Variants in EPHA6 observed in about 807,000 individuals in gnomAD.
EPHA6 encodes EPH receptor A6, also known as ephrin type-A receptor 6.
In EPHA6, 50 loss-of-function variants were observed where a neutral mutation model predicts 112.0. That is an observed-to-expected ratio of 0.45 (90% CI 0.36 to 0.56). The LOEUF is 0.56. Among genes scored for constraint, EPHA6 ranks in the 20% least tolerant of loss-of-function variants. The pLI is 0.00. For synonymous variants in EPHA6, 529 were observed against 490.7 expected, an observed-to-expected ratio of 1.08 and a Z score of -1.03; for missense variants, 1,280 against 1,417.4, an observed-to-expected ratio of 0.90 and a Z score of 1.56.
intron 5 of EPHA6, among the ~76,000 whole-genome samples, chr3:97,315,926 C>A (rs2081808515): frequency 6.6e-6 from 1 of 151,694 alleles, no homozygotes; most frequent in African/African-American, 2.4e-5. Flanking sequence ...AAACAAACTG[C>A]AATCAAAATG....
chr3:96,899,641 T>C (rs1013715643), intron 2 of EPHA6, among the ~76,000 whole-genome samples: 3 of 152,186 alleles, frequency 2.0e-5, no homozygotes, highest in Non-Finnish European at 4.4e-5. Flanking sequence ...TCTAAGTAGA[T>C]TTAAATACAT....
chr3:96,945,707 T>A (rs537975488), intron 2 of EPHA6, among the ~76,000 whole-genome samples: 75 of 152,066 alleles, frequency 4.9e-4, no homozygotes, highest in Middle Eastern at 3.4e-3. Context: ...ATGAAAAAAA[T>A]ATATATATAT....
intron 3 of EPHA6, among the ~76,000 whole-genome samples, chr3:97,006,375 T>G (rs1369814387): frequency 2.0e-5 from 3 of 152,156 alleles, no homozygotes; most frequent in Non-Finnish European, 4.4e-5. Flanking sequence ...TTCTACTAGA[T>G]TTTCTAGTTT....
chr3:97,442,249 G>A (rs13322997), intron 6 of EPHA6, among the ~76,000 whole-genome samples: 18,771 of 152,046 alleles, frequency 0.12, 3,705 homozygotes, highest in African/African-American at 0.41. Flanking sequence ...CTCAGAGTTG[G>A]TAACTATTCA....
intron 3 of EPHA6, among the ~76,000 whole-genome samples, chr3:97,089,439 C>G (rs950311545): frequency 2.6e-5 from 4 of 152,002 alleles, no homozygotes; most frequent in African/African-American, 9.6e-5. Flanking sequence ...GATGGTGTAT[C>G]TTTCTGTATT....
chr3:97,650,628 TA>T (rs1243050686), intron 14 of EPHA6, among the ~76,000 whole-genome samples: 122 of 152,110 alleles, frequency 8.0e-4, no homozygotes, highest in African/African-American at 2.6e-3. Flanking sequence ...CTCTATATTT[TA>T]TTTGTACAAA....
At chr3:97,198,717 T>G (rs1230772110) in intron 3 of EPHA6, among the ~76,000 whole-genome samples, 1 of 152,174 alleles carries the variant, frequency 6.6e-6, no homozygotes, top group Non-Finnish European at 1.5e-5. Flanking sequence ...TTCTTTTGCC[T>G]AACTGTGTTC....
In EPHA6 at chr3:97,365,729, C is replaced by T. The variant is rs148012439; in HGVS notation, c.1607-39421C>T. On this transcript the variant is annotated intron_variant, in intron 5 of 17. Coordinates refer to ENST00000389672, the MANE Select transcript of EPHA6 (RefSeq NM_001080448.3). ...TTACAATTTTTTACTCATCTATTTG[C>T]GGTAAATGGACAAAAGCTCCATCTT... Among the ~76,000 whole-genome samples the T allele has an allele frequency of 2.4e-3, 364 of 152,102 alleles. 2 individuals are homozygous for T. The highest frequency in any genetic ancestry group is 7.7e-3 in the African/African-American group (320 of 41,510).
chr3:97,583,629 G>A (rs1401943593), intron 11 of EPHA6, among the ~76,000 whole-genome samples: 1 of 151,854 alleles, frequency 6.6e-6, no homozygotes, highest in Non-Finnish European at 1.5e-5. Flanking sequence ...TCTGATGAAA[G>A]AAATCAAAGA....
intron 5 of EPHA6, among the ~76,000 whole-genome samples, chr3:97,335,880 G>C (rs2083033186): frequency 2.6e-5 from 4 of 152,088 alleles, no homozygotes; most frequent in Admixed American, 2.0e-4. Context: ...CTGCTTGGTG[G>C]GGTCAGAGAT....
chr3:97,628,178 A>C (rs934599834), intron 13 of EPHA6, among the ~76,000 whole-genome samples: 2 of 152,020 alleles, frequency 1.3e-5, no homozygotes, highest in African/African-American at 4.8e-5. Context: ...AGAGATAATG[A>C]TGCTCTAAAC....
At chr3:97,548,440 G>A (rs546734306) in intron 11 of EPHA6, among the ~76,000 whole-genome samples, 1 of 151,938 alleles carries the variant, frequency 6.6e-6, no homozygotes, top group East Asian at 1.9e-4. Flanking sequence ...TTTTGGGGAG[G>A]GATAATTTAG....
At chr3:97,448,058 A>G (rs1196760372) in intron 6 of EPHA6, among the ~76,000 whole-genome samples, 1 of 152,154 alleles carries the variant, frequency 6.6e-6, no homozygotes, top group Admixed American at 6.6e-5. Context: ...GCACAAAGTG[A>G]ATGACTTCAG....
chr3:97,174,017 A>G (rs1576617798), intron 3 of EPHA6, among the ~76,000 whole-genome samples: 2 of 150,852 alleles, frequency 1.3e-5, no homozygotes, highest in South Asian at 4.2e-4. Context: ...ATCACCTTCT[A>G]CCTTCCCCCC....
intron 11 of EPHA6, among the ~76,000 whole-genome samples, chr3:97,553,470 G>A (rs1243325697): frequency 6.6e-6 from 1 of 152,048 alleles, no homozygotes; most frequent in African/African-American, 2.4e-5. Context: ...CACTGGGGAG[G>A]GCTCAGGAAA....
chr3:97,258,310 G>A (rs138842362), intron 5 of EPHA6, among the ~76,000 whole-genome samples: 47 of 151,646 alleles, frequency 3.1e-4, no homozygotes, highest in African/African-American at 1.1e-3. Flanking sequence ...CACGCACAGA[G>A]TATCTGTTAT....
chr3:97,355,696 A>G (rs1372093182), intron 5 of EPHA6, among the ~76,000 whole-genome samples: 1 of 152,200 alleles, frequency 6.6e-6, no homozygotes, highest in African/African-American at 2.4e-5. Flanking sequence ...ACAACATTGA[A>G]AGTTAACGGA....
chr3:97,600,938 T>G (rs537336592), intron 12 of EPHA6, among the ~76,000 whole-genome samples: 1 of 152,234 alleles, frequency 6.6e-6, no homozygotes, highest in South Asian at 2.1e-4. Flanking sequence ...ATTTTTTTAG[T>G]AGTTCTTTTT....
intron 5 of EPHA6, among the ~76,000 whole-genome samples, chr3:97,320,896 C>G (rs1441968020): frequency 6.7e-6 from 1 of 150,264 alleles, no homozygotes; most frequent in Non-Finnish European, 1.5e-5. Flanking sequence ...AATTCCATCT[C>G]AAAAATTAAT....
Sources: gnomAD v4.1 joint callset for allele counts (sites outside exome capture counted in the v4.1 genomes callset) on GRCh38, gnomAD v4.1.1 for gene constraint, MANE v1.5 for transcripts, NCBI Gene and HGNC (gene_info 2026-07-23, HGNC 2026-07-21) for gene names.